The following HIRA variants were observed in gnomAD, a reference collection of about 807,000 sequenced individuals.
HIRA encodes histone cell cycle regulator.
In HIRA, 13 loss-of-function variants were observed where a neutral mutation model predicts 126.6. That is an observed-to-expected ratio of 0.10 (90% CI 0.07 to 0.16). The LOEUF is 0.16. Among genes scored for constraint, HIRA ranks in the 10% least tolerant of loss-of-function variants. The pLI is 1.00. For missense variants in HIRA, 834 were observed against 1,314.4 expected (o/e 0.63, Z 5.65); for synonymous variants, 511 against 520.0 (o/e 0.98, Z 0.24).
chr22:19,364,260 A>G (rs2088892740), intron 15 of HIRA, among the ~76,000 whole-genome samples: 2 of 152,218 alleles, frequency 1.3e-5, no homozygotes, highest in Non-Finnish European at 1.5e-5. Context: ...CAGAGACAGT[A>G]AAGTTATCAA....
chr22:19,379,659 T>TC (rs1195807356), intron 13 of HIRA, among the ~76,000 whole-genome samples: 1 of 138,496 alleles, frequency 7.2e-6, no homozygotes, highest in African/African-American at 2.6e-5. Context: ...ACTTGATTTC[T>TC]TTTTTTTTTT....
chr22:19,331,302 G>A lies in HIRA; in HGVS notation c.*138C>T, dbSNP rs1556004496. 15 of 1,584,022 alleles carry A rather than the reference G, an allele frequency of 9.5e-6. No individual in the cohort carries two copies. The highest frequency in any genetic ancestry group is 1.2e-5 in the Non-Finnish European group (14 of 1,172,088). On this transcript the variant is annotated 3_prime_UTR_variant, in exon 25 of 25. Coordinates refer to ENST00000263208, the MANE Select transcript of HIRA (RefSeq NM_003325.4). ...GCACATCTGCCCAGGGAGCTGGGCT[G>A]GCGCTGGTGCAGGACAGCACATCTC... is the stretch of plus-strand genomic sequence containing the variant.
rs2089097831 is a variant in HIRA, at chr22:19,383,715, CAG to C, written c.1330-12_1330-11del. 6.2e-7 allele frequency: 1 copy of C among 1,611,500 alleles called. No homozygotes were observed. Among genetic ancestry groups the C allele is most frequent in the Non-Finnish European group, 8.5e-7 (1 of 1,178,160 alleles). ...GTTTCTTCAAAAGATTCTGGCAAAG[CAG>C]AGTTACATAAATGAATGCAAAAGTT... is the stretch of plus-strand genomic sequence containing the variant. On this transcript the variant is annotated splice_polypyrimidine_tract_variant and intron_variant, in intron 12 of 24. Transcript: ENST00000263208.
At chr22:19,386,955 G>T (rs1569303315) in intron 11 of HIRA, among the ~76,000 whole-genome samples, 1 of 152,224 alleles carries the variant, frequency 6.6e-6, no homozygotes, top group Non-Finnish European at 1.5e-5. Flanking sequence ...GCTTCCACCA[G>T]CAAATAAGGT....
At chr22:19,340,824 T>G (rs539625818) in intron 24 of HIRA, among the ~76,000 whole-genome samples, 1 of 152,178 alleles carries the variant, frequency 6.6e-6, no homozygotes, top group East Asian at 1.9e-4. Context: ...ATGTGAAAGA[T>G]CTCTACAAGA....
In HIRA at chr22:19,371,500, G is replaced by A. The variant is rs966405801; in HGVS notation, c.1775+4131C>T. On this transcript the variant is annotated intron_variant, in intron 15 of 24. Coordinates refer to ENST00000263208, the MANE Select transcript of HIRA (RefSeq NM_003325.4). ...TTGAGATATATATATCATAAACTTC[G>A]CCACTTTAAAGTATAGAATCATTAG... Among the ~76,000 whole-genome samples, 15 of 151,114 alleles carry A rather than the reference G, an allele frequency of 9.9e-5. 1 individual carries two copies. The highest frequency in any genetic ancestry group is 4.2e-4 in the South Asian group (2 of 4,762).
At chr22:19,382,783 T>C (rs1365640699) in intron 13 of HIRA, among the ~76,000 whole-genome samples, 2 of 149,710 alleles carry the variant, frequency 1.3e-5, no homozygotes, top group African/African-American at 2.5e-5. Flanking sequence ...TTTTTTTTTT[T>C]TTTTTGAATC....
chr22:19,387,884 G>A, intron 10 of HIRA, 68 bp from the exon 11 acceptor site: 1 of 1,061,578 alleles, frequency 9.4e-7, no homozygotes, highest in Non-Finnish European at 1.4e-6. Context: ...CGCAGTAGCT[G>A]GCCTGTGAGG....
intron 18 of HIRA, 123 bp downstream of exon 18, chr22:19,359,213 T>C (rs1219226044): frequency 9.8e-7 from 1 of 1,024,816 alleles, no homozygotes; most frequent in Non-Finnish European, 1.3e-6. Context: ...TGAAGCCTGG[T>C]GTGAGTCTCT....
chr22:19,356,989 C>T lies in HIRA; in HGVS notation c.2297G>A (p.Arg766His), dbSNP rs781971961. The T allele has an allele frequency of 5.0e-6, 8 of 1,613,844 alleles. No individual in the cohort carries two copies. The highest frequency in any genetic ancestry group is 2.7e-5 in the African/African-American group (2 of 74,926). ...MLSVFSTCGR[R>H]LLSPILLPSP... Reference sequence around the variant, plus strand: ...TGGCAGGAGGATGGGAGAGAGGAGACGGCGACCACAGGTGGAGAACACTGA... The same window carrying T: ...TGGCAGGAGGATGGGAGAGAGGAGATGGCGACCACAGGTGGAGAACACTGA... The change falls in exon 19 of 25, where the codon CGT becomes CAT. Residue 766 changes from arginine to histidine, a missense_variant. Physicochemically the swap from Arg to His is conservative, Grantham distance 29. Coordinates refer to ENST00000263208, the MANE Select transcript of HIRA (RefSeq NM_003325.4).
At chr22:19,404,004 A>T (rs2089289447) in intron 5 of HIRA, among the ~76,000 whole-genome samples, 2 of 152,208 alleles carry the variant, frequency 1.3e-5, no homozygotes, top group African/African-American at 4.8e-5. Context: ...TTAATAGTAC[A>T]AACATTATAT....
intron 15 of HIRA, 133 bp from the exon 16 acceptor site, chr22:19,362,064 A>G (rs951209180): frequency 2.5e-5 from 20 of 795,346 alleles, no homozygotes; most frequent in Non-Finnish European, 3.6e-5. Context: ...TTATGCCTCA[A>G]AAGTAAAGGA....
chr22:19,362,748 A>G (rs924870862), intron 15 of HIRA, among the ~76,000 whole-genome samples: 1 of 151,300 alleles, frequency 6.6e-6, no homozygotes, highest in Non-Finnish European at 1.5e-5. Flanking sequence ...ATTAGTAGAG[A>G]CAGGGTTTCA....
At chr22:19,337,485 C>A (rs1255017921) in intron 24 of HIRA, among the ~76,000 whole-genome samples, 1 of 151,702 alleles carries the variant, frequency 6.6e-6, no homozygotes, top group Non-Finnish European at 1.5e-5. Flanking sequence ...AAAAAATGAA[C>A]AAAGCCTCCA....
intron 3 of HIRA, among the ~76,000 whole-genome samples, chr22:19,408,156 T>C (rs944552054): frequency 1.3e-5 from 2 of 152,184 alleles, no homozygotes. Flanking sequence ...CTGAGATGTT[T>C]TGGCAAATTG....
At chr22:19,398,113 G>T in intron 5 of HIRA, 26 bp from the exon 6 acceptor site, 1 of 1,565,818 alleles carries the variant, frequency 6.4e-7, no homozygotes, top group Non-Finnish European at 8.8e-7. Flanking sequence ...GGGTTCTGGT[G>T]AGATCTCTTA....
At chr22:19,384,897 G>T (rs1018911945) in intron 12 of HIRA, among the ~76,000 whole-genome samples, 2 of 151,464 alleles carry the variant, frequency 1.3e-5, no homozygotes, top group Non-Finnish European at 2.9e-5. Context: ...CAAGTGATCC[G>T]CCTGCCTCAG....
intron 21 of HIRA, 50 bp from the exon 22 acceptor site, chr22:19,354,168 T>G (rs782166264): frequency 3.9e-5 from 61 of 1,573,664 alleles, no homozygotes; most frequent in Non-Finnish European, 4.9e-5. Context: ...AGAGATCTGG[T>G]TGGCCTCTTT....
At chr22:19,368,025 G>C (rs1207677527) in intron 15 of HIRA, among the ~76,000 whole-genome samples, 3 of 152,120 alleles carry the variant, frequency 2.0e-5, no homozygotes, top group Non-Finnish European at 2.9e-5. Flanking sequence ...AGACTCCCTG[G>C]ATCACAGGTG....
Sources: gnomAD v4.1 joint callset for allele counts (sites outside exome capture counted in the v4.1 genomes callset) on GRCh38, gnomAD v4.1.1 for gene constraint, MANE v1.5 for transcripts, NCBI Gene and HGNC (gene_info 2026-07-23, HGNC 2026-07-21) for gene names.